The following MAPKAP1 variants were observed in gnomAD, a reference collection of about 807,000 sequenced individuals.
MAPKAP1 encodes the protein MAPK associated protein 1.
MAPKAP1 carries 20 observed loss-of-function variants against 65.7 expected under a neutral mutation model. That is an observed-to-expected ratio of 0.30 (90% CI 0.21 to 0.44). The LOEUF (loss-of-function observed/expected upper bound fraction) is 0.44, where lower values mean the gene tolerates loss of function less well. Among genes scored for constraint, MAPKAP1 ranks in the 20% least tolerant of loss-of-function variants. MAPKAP1 has a pLI of 1.00. For missense variants in MAPKAP1, 423 were observed against 648.0 expected (o/e 0.65, Z 3.77); for synonymous variants, 222 against 244.3 (o/e 0.91, Z 0.85).
intron 3 of MAPKAP1, among the ~76,000 whole-genome samples, chr9:125,667,385 T>C (rs1834370411): frequency 6.6e-6 from 1 of 152,218 alleles, no homozygotes; most frequent in Admixed American, 6.5e-5. Flanking sequence ...ACTGGCGCGA[T>C]TTTAGCTCCC....
chr9:125,505,518 C>T (rs556219931), intron 8 of MAPKAP1, among the ~76,000 whole-genome samples: 36 of 152,120 alleles, frequency 2.4e-4, no homozygotes, highest in Admixed American at 2.2e-3. Flanking sequence ...ACACACGCGA[C>T]GGAGAAAAAG....
In MAPKAP1 at chr9:125,447,164, T is replaced by C. The variant is rs1323919445; in HGVS notation, c.1346-2566A>G. On this transcript the variant is annotated intron_variant, in intron 10 of 11. Coordinates refer to ENST00000265960, the MANE Select transcript of MAPKAP1 (RefSeq NM_001006617.3). The surrounding 1 kb of genome is among the most constrained non-coding windows in gnomAD (Gnocchi z 4.5). The stretch of plus-strand genomic sequence containing the variant: ...TCCTCTGAATTTTGAATGTATTTGG[T>C]TGCATGTGGAGGCTGTGTGTGTCTC... 6.6e-6 allele frequency among the ~76,000 whole-genome samples: 1 copy of C among 152,160 alleles called. No homozygotes were observed. The highest frequency in any genetic ancestry group is 1.5e-5 in the Non-Finnish European group (1 of 68,028).
intron 4 of MAPKAP1, among the ~76,000 whole-genome samples, chr9:125,625,669 C>T (rs895705084): frequency 2.6e-5 from 4 of 152,046 alleles, no homozygotes; most frequent in African/African-American, 9.7e-5. Context: ...GTGGTGTGTG[C>T]CTGTAATGCC....
At position 125,693,698 on chromosome 9, in the gene MAPKAP1, CGTATATAT is replaced by C. The variant is rs1564620243; in HGVS notation, c.-70+13265_-70+13272del. Among the ~76,000 whole-genome samples the C allele has an allele frequency of 2.8e-3, 256 of 92,960 alleles. 26 individuals carry two copies. Among genetic ancestry groups the C allele is most frequent in the African/African-American group, 0.01 (249 of 24,548 alleles). 61.0% of individuals were successfully genotyped at this position (92,960 alleles called of 152,430 possible). ...ACGTATATATACACGTATATATACACGTATATATACACATATATACACGTATATACACA... is the reference window on the plus strand; with the variant it reads ...ACGTATATATACACGTATATATACACACACATATATACACGTATATACACA... On this transcript the variant is annotated intron_variant, in intron 1 of 11. Coordinates refer to ENST00000265960, the MANE Select transcript of MAPKAP1 (RefSeq NM_001006617.3).
At chr9:125,467,750 C>T (rs995715767) in intron 10 of MAPKAP1, among the ~76,000 whole-genome samples, 2 of 152,160 alleles carry the variant, frequency 1.3e-5, no homozygotes, top group African/African-American at 4.8e-5. Context: ...AGGTGGGCTG[C>T]GAAGTTCTCT....
At chr9:125,549,599 C>T (rs1830526649) in intron 6 of MAPKAP1, among the ~76,000 whole-genome samples, 1 of 152,270 alleles carries the variant, frequency 6.6e-6, no homozygotes, top group African/African-American at 2.4e-5. Flanking sequence ...TCAAAACAGA[C>T]ATTTTCCAAA....
chr9:125,565,683 G>A (rs1377123769), intron 5 of MAPKAP1: 2 of 406,142 alleles, frequency 4.9e-6, no homozygotes, highest in East Asian at 8.0e-5. Context: ...TCAGGAAAGT[G>A]AGGTCCAAAA....
At chr9:125,577,088 G>C (rs372869124) in intron 5 of MAPKAP1, among the ~76,000 whole-genome samples, 20 of 148,882 alleles carry the variant, frequency 1.3e-4, no homozygotes, top group South Asian at 4.3e-4. Flanking sequence ...GCCTCTTCCC[G>C]GCCGCCATCC....
intron 4 of MAPKAP1, among the ~76,000 whole-genome samples, chr9:125,635,140 G>A (rs1833386970): frequency 6.6e-6 from 1 of 152,260 alleles, no homozygotes; most frequent in Admixed American, 6.5e-5. Context: ...CCTTCCTACT[G>A]TGAAGCCTAC....
intron 6 of MAPKAP1, among the ~76,000 whole-genome samples, chr9:125,557,328 C>T (rs1173945707): frequency 1.3e-5 from 2 of 151,896 alleles, no homozygotes; most frequent in African/African-American, 4.8e-5. Flanking sequence ...TGTTAACATT[C>T]ATGTAGAAAA....
intron 5 of MAPKAP1, among the ~76,000 whole-genome samples, chr9:125,561,860 T>G (rs1014289053): frequency 6.6e-6 from 1 of 152,246 alleles, no homozygotes; most frequent in Non-Finnish European, 1.5e-5. Context: ...AACTAACTTA[T>G]AGTTGCACCA....
At chr9:125,473,593 G>A (rs1854003259) in intron 9 of MAPKAP1, among the ~76,000 whole-genome samples, 1 of 152,192 alleles carries the variant, frequency 6.6e-6, no homozygotes, top group Admixed American at 6.5e-5. Context: ...ATTTGTGCAA[G>A]CCTTTAGAGT....
chr9:125,534,015 A>C (rs1385071889), intron 7 of MAPKAP1, among the ~76,000 whole-genome samples: 2 of 152,236 alleles, frequency 1.3e-5, no homozygotes, highest in East Asian at 3.8e-4. Context: ...TTGAGTTAAA[A>C]AAGTAAATGC....
chr9:125,554,209 G>C (rs1000557004), intron 6 of MAPKAP1, among the ~76,000 whole-genome samples: 1 of 152,176 alleles, frequency 6.6e-6, no homozygotes, highest in African/African-American at 2.4e-5. Flanking sequence ...ACAGAATTCA[G>C]TGGGCACAAA....
intron 10 of MAPKAP1, among the ~76,000 whole-genome samples, chr9:125,459,854 G>GGGGAGAGGGATAGGGAGA (rs1853408546): frequency 3.1e-5 from 4 of 127,356 alleles, no homozygotes; most frequent in African/African-American, 1.2e-4. Context: ...GGGAGACCGT[G>GGGGAGAGGGATAGGGAGA]GGGAGAGGGA....
intron 3 of MAPKAP1, among the ~76,000 whole-genome samples, chr9:125,667,975 G>C (rs988700805): frequency 2.0e-5 from 3 of 151,736 alleles, no homozygotes; most frequent in South Asian, 4.2e-4. Context: ...GTGAGATTTT[G>C]AAAGTATTCA....
chr9:125,554,857 T>C (rs1357745979), intron 6 of MAPKAP1, among the ~76,000 whole-genome samples: 1 of 151,324 alleles, frequency 6.6e-6, no homozygotes, highest in Non-Finnish European at 1.5e-5. Flanking sequence ...TATGTGTTTG[T>C]GTGGGGGGAC....
intron 4 of MAPKAP1, among the ~76,000 whole-genome samples, chr9:125,619,392 G>A (rs1589348483): frequency 6.6e-6 from 1 of 151,980 alleles, no homozygotes; most frequent in Non-Finnish European, 1.5e-5. Flanking sequence ...TTGGAGAATA[G>A]CTTGAACCCG....
chr9:125,439,277 C>T lies in MAPKAP1; in HGVS notation c.1444-265G>A, dbSNP rs1014432977. ...AGTGAGCGGCGAGCTCTTCAGGTTC[C>T]GGAGCCCATGCTCCCTCCTGGCGTG... On this transcript the variant is annotated intron_variant, in intron 11 of 11. Transcript: ENST00000265960. The surrounding 1 kb of genome is among the most constrained non-coding windows in gnomAD (Gnocchi z 4.0). Among the ~76,000 whole-genome samples the T allele has an allele frequency of 3.3e-5, 5 of 152,240 alleles. No homozygotes were observed. Among genetic ancestry groups the T allele is most frequent in the Admixed American group, 2.6e-4 (4 of 15,288 alleles).
Sources: allele counts gnomAD v4.1 joint callset (sites outside exome capture counted in the v4.1 genomes callset), GRCh38; gene constraint gnomAD v4.1.1; non-coding constraint Gnocchi (gnomAD v3.1); transcripts MANE v1.5; gene names NCBI Gene and HGNC (gene_info 2026-07-23, HGNC 2026-07-21).